TASP1: variants seen among roughly 807,000 people sequenced by gnomAD.
TASP1 encodes the protein threonine aspartase 1.
Under a neutral mutation model 56.6 loss-of-function variants are expected in TASP1, and 16 were observed. That is an observed-to-expected ratio of 0.28 (90% CI 0.19 to 0.43). The LOEUF (loss-of-function observed/expected upper bound fraction) is 0.43, where lower values mean the gene tolerates loss of function less well. TASP1 is among the 20% of genes least tolerant of loss of function. The pLI is 1.00. For synonymous variants in TASP1, 179 were observed against 184.2 expected (o/e 0.97, Z 0.23); for missense variants, 393 against 511.6 (o/e 0.77, Z 2.24).
At chr20:13,191,132 T>C in the TASP1 span, among the ~76,000 whole-genome samples, 1 of 152,156 alleles carries the variant, frequency 6.6e-6, no homozygotes, top group South Asian at 2.1e-4. Context: ...TCTTATATAC[T>C]GTTAGCGGGA....
chr20:13,291,770 T>A, the TASP1 span, among the ~76,000 whole-genome samples: 1 of 152,170 alleles, frequency 6.6e-6, no homozygotes, highest in African/African-American at 2.4e-5. Flanking sequence ...CATTGTAGCA[T>A]CCTCAGTGAG....
At chr20:13,620,960 A>G (rs1229982158) in intron 4 of TASP1, among the ~76,000 whole-genome samples, 1 of 152,182 alleles carries the variant, frequency 6.6e-6, no homozygotes, top group Non-Finnish European at 1.5e-5. Flanking sequence ...GGTGAGAGAA[A>G]CTGCAGGGGG....
At chr20:13,461,366 T>C (rs2146349930) in intron 11 of TASP1, among the ~76,000 whole-genome samples, 1 of 152,346 alleles carries the variant, frequency 6.6e-6, no homozygotes, top group Middle Eastern at 3.4e-3. Context: ...TGATAAAATG[T>C]AACTTCCATA....
chr20:13,558,968 ATC>A, intron 8 of TASP1, 38 bp downstream of exon 8: 1 of 1,254,972 alleles, frequency 8.0e-7, no homozygotes, highest in South Asian at 1.4e-5. Context: ...AAGATATATC[ATC>A]TGATACATTA....
the TASP1 span, among the ~76,000 whole-genome samples, chr20:13,262,249 C>A: frequency 6.6e-6 from 1 of 152,328 alleles, no homozygotes; most frequent in South Asian, 2.1e-4. Flanking sequence ...TGGAAGCCCC[C>A]TGGTGGCCAC....
At chr20:13,268,514 C>A in the TASP1 span, among the ~76,000 whole-genome samples, 1 of 152,118 alleles carries the variant, frequency 6.6e-6, no homozygotes, top group East Asian at 1.9e-4. Context: ...AAAACCATGG[C>A]AGAGAGGTGG....
intron 8 of TASP1, among the ~76,000 whole-genome samples, chr20:13,535,356 A>G (rs2146906176): frequency 6.6e-6 from 1 of 152,338 alleles, no homozygotes; most frequent in South Asian, 2.1e-4. Context: ...GTGTGCCACA[A>G]CAAAATTTTA....
intron 12 of TASP1, among the ~76,000 whole-genome samples, chr20:13,419,275 T>C (rs575267778): frequency 1.4e-4 from 22 of 152,216 alleles, no homozygotes; most frequent in African/African-American, 5.1e-4. Flanking sequence ...TATGTGTGTG[T>C]GCATGTGCAT....
At chr20:13,244,881 T>C in the TASP1 span, among the ~76,000 whole-genome samples, 1 of 152,234 alleles carries the variant, frequency 6.6e-6, no homozygotes, top group African/African-American at 2.4e-5. Flanking sequence ...CAGTTTTCTA[T>C]TGGAAGGCCC....
At chr20:13,548,221 A>T (rs969810191) in intron 8 of TASP1, among the ~76,000 whole-genome samples, 2 of 152,116 alleles carry the variant, frequency 1.3e-5, no homozygotes, top group African/African-American at 4.8e-5. Flanking sequence ...GGAGCATGAC[A>T]AAATCAAACT....
At chr20:13,493,872 A>C (rs1215991344) in intron 10 of TASP1, among the ~76,000 whole-genome samples, 1 of 152,174 alleles carries the variant, frequency 6.6e-6, no homozygotes, top group African/African-American at 2.4e-5. Flanking sequence ...GTTCTAAATT[A>C]TTTAAATTTA....
the TASP1 span, among the ~76,000 whole-genome samples, chr20:13,136,755 G>A: frequency 6.8e-6 from 1 of 147,970 alleles, no homozygotes; most frequent in African/African-American, 2.5e-5. Flanking sequence ...TATATAGGGA[G>A]AGAGGAATTT....
At chr20:13,134,885 C>T in the TASP1 span, among the ~76,000 whole-genome samples, 10 of 152,192 alleles carry the variant, frequency 6.6e-5, no homozygotes, top group South Asian at 1.0e-3. Context: ...AAAACATCAA[C>T]GCTGCCCTCT....
chr20:13,193,390 A>G, the TASP1 span, among the ~76,000 whole-genome samples: 1 of 152,204 alleles, frequency 6.6e-6, no homozygotes, highest in South Asian at 2.1e-4. Flanking sequence ...CTCAATATAC[A>G]ATAAAGGCAC....
chr20:13,249,904 T>G, the TASP1 span, among the ~76,000 whole-genome samples: 3 of 152,180 alleles, frequency 2.0e-5, no homozygotes, highest in African/African-American at 7.2e-5. Flanking sequence ...TTTTTCTCAT[T>G]TGCAAAAATT....
the TASP1 span, among the ~76,000 whole-genome samples, chr20:13,138,516 A>C: frequency 6.6e-6 from 1 of 152,202 alleles, no homozygotes; most frequent in African/African-American, 2.4e-5. Context: ...GGTAGTGATT[A>C]GTTATTTAAT....
At chr20:13,307,343 T>A in the TASP1 span, among the ~76,000 whole-genome samples, 2 of 152,300 alleles carry the variant, frequency 1.3e-5, no homozygotes, top group South Asian at 4.1e-4. Context: ...AGTTCACGGC[T>A]CAATGAATTT....
chr20:13,467,219 C>T (rs1180974061), intron 11 of TASP1, among the ~76,000 whole-genome samples: 7 of 116,078 alleles, frequency 6.0e-5, no homozygotes, highest in Non-Finnish European at 1.3e-4. Context: ...ACACACACGA[C>T]ACACAAATAC....
the TASP1 span, chr20:13,117,763 G>C: frequency 6.4e-7 from 1 of 1,556,352 alleles, no homozygotes; most frequent in Admixed American, 1.9e-5. Flanking sequence ...TAAAACCTGA[G>C]CGCCCTGGGG....
Sources: gnomAD v4.1 joint callset for allele counts (sites outside exome capture counted in the v4.1 genomes callset) on GRCh38, gnomAD v4.1.1 for gene constraint, MANE v1.5 for transcripts, NCBI Gene and HGNC (gene_info 2026-07-23, HGNC 2026-07-21) for gene names.